Variants in SCP2 observed in about 807,000 individuals in gnomAD.
SCP2 encodes sterol carrier protein 2.
A neutral mutation model predicts 71.4 loss-of-function variants in SCP2; 48 were observed. The observed-to-expected ratio is 0.67, with a 90% confidence interval of 0.53 to 0.86. The LOEUF (loss-of-function observed/expected upper bound fraction) is 0.86. Ranked by LOEUF, SCP2 falls within the 40% of genes least tolerant of loss-of-function variation. The pLI, the probability that SCP2 is intolerant of heterozygous loss-of-function variation, is 0.00. For synonymous variants in SCP2, 220 were observed against 218.1 expected (o/e 1.01, Z -0.08); for missense variants, 560 against 655.6 (o/e 0.85, Z 1.59).
chr1:52,958,232 G>GTTT (rs71579952), intron 5 of SCP2, among the ~76,000 whole-genome samples: 1 of 141,524 alleles, frequency 7.1e-6, no homozygotes, highest in Non-Finnish European at 1.5e-5. Flanking sequence ...TTTTTCACAA[G>GTTT]TTTTTTTTTT....
chr1:52,964,435 C>A (rs548720745), intron 6 of SCP2, among the ~76,000 whole-genome samples: 1 of 151,784 alleles, frequency 6.6e-6, no homozygotes, highest in South Asian at 2.1e-4. Context: ...CTCCTGACCT[C>A]GTGATCCGCC....
At chr1:52,978,022 C>T (rs1335375389) in intron 8 of SCP2, among the ~76,000 whole-genome samples, 195 bp from the exon 9 acceptor site, 1 of 151,352 alleles carries the variant, frequency 6.6e-6, no homozygotes, top group Non-Finnish European at 1.5e-5. Flanking sequence ...TGATTGACAA[C>T]ATTTAAGTTC....
chr1:52,973,665 C>A (rs1007297793), intron 6 of SCP2, among the ~76,000 whole-genome samples: 1 of 152,182 alleles, frequency 6.6e-6, no homozygotes, highest in Non-Finnish European at 1.5e-5. Context: ...TCTCCGTCTT[C>A]CGGGTTCAAG....
At chr1:52,938,119 C>T (rs757081904) in intron 1 of SCP2, among the ~76,000 whole-genome samples, 2 of 152,184 alleles carry the variant, frequency 1.3e-5, no homozygotes, top group Admixed American at 6.5e-5. Flanking sequence ...CTAGAGGTTG[C>T]TTTCATTGCC....
chr1:52,980,513 A>G lies in SCP2; in HGVS notation c.943A>G (p.Thr315Ala), dbSNP rs1278347569. 1.2e-6 allele frequency: 2 copies of G among 1,614,036 alleles called. No homozygotes were observed. The highest frequency in any genetic ancestry group is 1.7e-5 in the Admixed American group (1 of 60,016). The part of the protein sequence containing the change: ...HDCFSTNELL[T>A]YEALGLCPEG... ...TTGCTTTTCTACCAACGAACTCCTT[A>G]CTTATGAAGCACTGGGACTCTGTCC... The change falls in exon 10 of 16, where the codon ACT (threonine) becomes GCT (alanine). Residue 315 changes from threonine to alanine, a missense_variant. Physicochemically the swap from Thr to Ala is moderately conservative, Grantham distance 58 (BLOSUM62 0). Transcript: ENST00000371514.
In SCP2 at chr1:52,965,454, T is replaced by A. The variant is rs1320478918; in HGVS notation, c.523+3825T>A. Among the ~76,000 whole-genome samples, 3 of 152,344 alleles carry A rather than the reference T, an allele frequency of 2.0e-5. No individual in the cohort carries two copies. The East Asian group carries it at 5.8e-4, about 29-fold the overall frequency. On this transcript the variant is annotated intron_variant, in intron 6 of 15. Coordinates refer to ENST00000371514, the MANE Select transcript of SCP2 (RefSeq NM_002979.5). ...TCTTTTTATTTATTCAGTTCTGTCT[T>A]TGTGTCTTTCAGGAGTGTTTTAAAG...
chr1:53,047,429 A>G (rs1663891878), intron 14 of SCP2, among the ~76,000 whole-genome samples: 3 of 152,202 alleles, frequency 2.0e-5, no homozygotes, highest in Admixed American at 2.0e-4. Context: ...TTAGTAATAT[A>G]TTGGTGTCTT....
intron 7 of SCP2, among the ~76,000 whole-genome samples, chr1:52,975,443 G>T (rs1657880505): frequency 6.6e-6 from 1 of 152,102 alleles, no homozygotes; most frequent in African/African-American, 2.4e-5. Flanking sequence ...CTCCCAAAGT[G>T]CTGGGATTAC....
intron 6 of SCP2, among the ~76,000 whole-genome samples, chr1:52,971,227 C>T (rs1195546005): frequency 2.6e-5 from 4 of 152,096 alleles, no homozygotes; most frequent in Non-Finnish European, 4.4e-5. Context: ...CCACCCGCCT[C>T]GGCCTCCCAA....
At chr1:52,957,141 C>T (rs943901680) in intron 5 of SCP2, among the ~76,000 whole-genome samples, 9 of 152,276 alleles carry the variant, frequency 5.9e-5, no homozygotes, top group Admixed American at 2.0e-4. Flanking sequence ...AACTTCTGAC[C>T]TCGTGATCTA....
chr1:53,000,244 G>C (rs1041741604), intron 11 of SCP2, among the ~76,000 whole-genome samples: 1 of 114,730 alleles, frequency 8.7e-6, no homozygotes, highest in African/African-American at 3.7e-5. Context: ...CGAGACCCTA[G>C]TTTCTACCAA....
intron 11 of SCP2, among the ~76,000 whole-genome samples, chr1:53,001,429 G>C (rs1660309926): frequency 6.6e-6 from 1 of 152,072 alleles, no homozygotes; most frequent in Non-Finnish European, 1.5e-5. Flanking sequence ...TTACCAAACA[G>C]GTTTAATTCC....
At chr1:52,997,862 T>G (rs1437496682) in intron 11 of SCP2, among the ~76,000 whole-genome samples, 2 of 152,228 alleles carry the variant, frequency 1.3e-5, no homozygotes, top group African/African-American at 4.8e-5. Context: ...CTAGCCTGTC[T>G]ATTTCCAGTC....
intron 11 of SCP2, among the ~76,000 whole-genome samples, chr1:52,988,951 C>G (rs1659234692): frequency 6.6e-6 from 1 of 152,168 alleles, no homozygotes; most frequent in South Asian, 2.1e-4. Flanking sequence ...CTCAGCCTCC[C>G]AGAGTGCTGG....
chr1:52,998,923 A>G (rs1660124052), intron 11 of SCP2, among the ~76,000 whole-genome samples: 1 of 152,128 alleles, frequency 6.6e-6, no homozygotes, highest in African/African-American at 2.4e-5. Flanking sequence ...GATAGAATTT[A>G]CTCAATTTTT....
At chr1:52,995,677 G>T (rs1298837414) in intron 11 of SCP2, 15 of 719,486 alleles carry the variant, frequency 2.1e-5, no homozygotes, top group South Asian at 1.9e-4. Context: ...TCCATGAGCA[G>T]TTGCTCAACG....
At chr1:52,934,644 T>A (rs185010868) in intron 1 of SCP2, among the ~76,000 whole-genome samples, 6 of 123,222 alleles carry the variant, frequency 4.9e-5, no homozygotes, top group African/African-American at 1.8e-4. Context: ...ACGGAGTCTC[T>A]CTCTGTCCCC....
chr1:52,941,790 C>T lies in SCP2; in HGVS notation c.70-6C>T. 6.3e-7 allele frequency: 1 copy of T among 1,575,240 alleles called. No homozygotes were observed. Among genetic ancestry groups the T allele is most frequent in the Non-Finnish European group, 8.7e-7 (1 of 1,145,052 alleles). On this transcript the variant is annotated splice_region_variant and splice_polypyrimidine_tract_variant and intron_variant, in intron 1 of 15. Coordinates refer to ENST00000371514, the MANE Select transcript of SCP2 (RefSeq NM_002979.5). ...TTGTATTTATTATCTCTTTCTATAT[C>T]TCTAGTTTGTGAAGCCTGGAGCTGA...
chr1:53,044,845 T>C (rs1663684877), intron 14 of SCP2, among the ~76,000 whole-genome samples: 1 of 152,270 alleles, frequency 6.6e-6, no homozygotes, highest in Non-Finnish European at 1.5e-5. Context: ...ATATTAGTCT[T>C]TGTTGTCCAG....
Sources: gnomAD v4.1 joint callset for allele counts (sites outside exome capture counted in the v4.1 genomes callset) on GRCh38, gnomAD v4.1.1 for gene constraint, MANE v1.5 for transcripts, NCBI Gene and HGNC (gene_info 2026-07-23, HGNC 2026-07-21) for gene names.